Variants in METTL15 observed in about 807,000 individuals in gnomAD.
METTL15 encodes the protein 12S rRNA N(4)-cytidine methyltransferase METTL15.
A neutral mutation model predicts 38.3 loss-of-function variants in METTL15; 34 were observed. That is an observed-to-expected ratio of 0.89 (90% CI 0.68 to 1.18). METTL15 has a LOEUF of 1.18. Ranked by LOEUF, METTL15 falls within the 50% of genes most tolerant of loss-of-function variation. The pLI, the probability that METTL15 is intolerant of heterozygous loss-of-function variation, is 0.00. For missense variants in METTL15, 438 were observed against 498.4 expected (o/e 0.88, Z 1.15); for synonymous variants, 162 against 170.9 (o/e 0.95, Z 0.41).
chr11:28,152,583 A>G (rs1457167804), intron 3 of METTL15, among the ~76,000 whole-genome samples: 2 of 151,872 alleles, frequency 1.3e-5, no homozygotes, highest in Non-Finnish European at 2.9e-5. Context: ...AATAATTTTG[A>G]AAAAGTAAAA....
Position 28,113,423 on chromosome 11 carries a change from C to T in METTL15, c.89C>T (p.Pro30Leu). The change falls in exon 3 of 7, where the codon CCA becomes CTA. Residue 30 changes from proline (P) to leucine (L), a missense_variant. Physicochemically the swap from Pro to Leu is moderately conservative, Grantham distance 98. Transcript: ENST00000407364. ...ESGIPNLGVW[P>L]NRIHTTAEKY... ...GGCATACCTAATTTAGGTGTCTGGC[C>T]AAACAGAATACATACTACAGCAGAA... The T allele has an allele frequency of 3.1e-6, 5 of 1,597,088 alleles. No individual in the cohort carries two copies. The highest frequency in any genetic ancestry group is 4.3e-6 in the Non-Finnish European group (5 of 1,171,858).
intron 4 of METTL15, among the ~76,000 whole-genome samples, chr11:28,279,587 A>G (rs543687320): frequency 5.9e-5 from 9 of 152,152 alleles, no homozygotes; most frequent in African/African-American, 1.7e-4. Context: ...GGTGATCACA[A>G]CCTACATGAT....
chr11:28,308,927 G>T (rs1481640195), intron 6 of METTL15, among the ~76,000 whole-genome samples: 1 of 151,992 alleles, frequency 6.6e-6, no homozygotes, highest in Non-Finnish European at 1.5e-5. Context: ...TAGATAGATA[G>T]ATAGATAGGC....
chr11:28,140,117 C>T (rs1405508397), intron 3 of METTL15, among the ~76,000 whole-genome samples: 1 of 152,152 alleles, frequency 6.6e-6, no homozygotes, highest in Non-Finnish European at 1.5e-5. Context: ...CTGTTCCGAG[C>T]GTGTGCCTGT....
At chr11:28,183,618 G>GT (rs1851379618) in intron 3 of METTL15, among the ~76,000 whole-genome samples, 1 of 151,940 alleles carries the variant, frequency 6.6e-6, no homozygotes, top group Non-Finnish European at 1.5e-5. Context: ...CGACTTGATC[G>GT]TGGTGGATAA....
chr11:28,501,837 C>T (rs1255371246), intron 6 of METTL15, among the ~76,000 whole-genome samples: 1 of 152,160 alleles, frequency 6.6e-6, no homozygotes, highest in East Asian at 1.9e-4. Context: ...CGGTGGCTCA[C>T]ACCTGTAATC....
intron 5 of METTL15, among the ~76,000 whole-genome samples, chr11:28,411,904 A>G (rs978484006): frequency 6.6e-6 from 1 of 152,062 alleles, no homozygotes; most frequent in Admixed American, 6.6e-5. Flanking sequence ...GCAGGAAAAC[A>G]AACAACCTGA....
At chr11:28,338,982 A>C (rs1849926147) in intron 3 of METTL15, among the ~76,000 whole-genome samples, 1 of 152,158 alleles carries the variant, frequency 6.6e-6, no homozygotes, top group African/African-American at 2.4e-5. Context: ...TGTGAGTTTC[A>C]GAAAAGGCAG....
intron 3 of METTL15, among the ~76,000 whole-genome samples, chr11:28,160,385 A>G (rs1254093945): frequency 6.6e-6 from 1 of 152,036 alleles, no homozygotes; most frequent in African/African-American, 2.4e-5. Flanking sequence ...TCCTTCTCTT[A>G]AGGGTATTAT....
intron 6 of METTL15, among the ~76,000 whole-genome samples, chr11:28,438,665 C>CT (rs1332312845): frequency 6.9e-6 from 1 of 144,260 alleles, no homozygotes; most frequent in Non-Finnish European, 1.5e-5. Context: ...TTTCTTTTTT[C>CT]TTTTTTCTTT....
At chr11:28,293,090 T>C (rs902456545) in intron 5 of METTL15, among the ~76,000 whole-genome samples, 16 of 152,340 alleles carry the variant, frequency 1.1e-4, no homozygotes, top group African/African-American at 3.6e-4. Flanking sequence ...TTGGCTTTTG[T>C]TGCCATTGCT....
At position 28,315,349 on chromosome 11, in the gene METTL15, G is replaced by A. The variant is rs554997800; in HGVS notation, c.779-15047G>A. Among the ~76,000 whole-genome samples, 10 of 152,298 alleles carry A rather than the reference G, an allele frequency of 6.6e-5. No homozygotes were observed. The South Asian group carries it at 1.0e-3, about 16-fold the overall frequency. On this transcript the variant is annotated intron_variant, in intron 6 of 6. Transcript: ENST00000407364. ...ATGATTTAGCAAAGAGACTGGCAGC[G>A]TTTTGCCCCTGTCCTAGAGATTTGT... is the stretch of plus-strand genomic sequence containing the variant.
intron 3 of METTL15, among the ~76,000 whole-genome samples, chr11:28,181,302 GA>G (rs934883453): frequency 5.3e-5 from 7 of 130,958 alleles, no homozygotes; most frequent in Non-Finnish European, 1.1e-4. Context: ...TATACATGCA[GA>G]ACGTGCAGGT....
At chr11:28,108,681 G>A (rs189504251) in intron 1 of METTL15, among the ~76,000 whole-genome samples, 2 of 152,248 alleles carry the variant, frequency 1.3e-5, no homozygotes, top group East Asian at 3.9e-4. Context: ...GAGGCCTCAG[G>A]CTTCATTTCT....
intron 3 of METTL15, among the ~76,000 whole-genome samples, chr11:28,179,816 A>G (rs1261027709): frequency 1.3e-5 from 2 of 151,800 alleles, no homozygotes; most frequent in Non-Finnish European, 2.9e-5. Context: ...ACTTTAGGAA[A>G]TAGAGCCAAG....
chr11:28,306,795 G>A (rs1361358908), intron 6 of METTL15, among the ~76,000 whole-genome samples: 2 of 151,994 alleles, frequency 1.3e-5, no homozygotes, highest in Non-Finnish European at 2.9e-5. Flanking sequence ...TTTTGGGACT[G>A]AGAGGGTAAT....
At chr11:28,114,414 A>G (rs925704096) in intron 3 of METTL15, among the ~76,000 whole-genome samples, 2 of 152,126 alleles carry the variant, frequency 1.3e-5, no homozygotes, top group Non-Finnish European at 1.5e-5. Context: ...CTTTGTGGCT[A>G]TTGTGAATAA....
intron 3 of METTL15, among the ~76,000 whole-genome samples, chr11:28,346,214 G>A (rs1391343255): frequency 1.3e-5 from 2 of 152,088 alleles, no homozygotes; most frequent in East Asian, 3.9e-4. Flanking sequence ...TTTTTAAATG[G>A]CATCATTTGA....
In METTL15 at chr11:28,441,724, A is replaced by G. The variant is rs949391472; in HGVS notation, c.*424+17360A>G. On this transcript the variant is annotated intron_variant and NMD_transcript_variant, in intron 6 of 7. Coordinates refer to the METTL15 transcript ENST00000532947. ...CCACCAAATCCAAACTAATCTTGCTAAAACATCACTTATTTAAAAAAAAAG... is the reference window on the plus strand; with the variant it reads ...CCACCAAATCCAAACTAATCTTGCTGAAACATCACTTATTTAAAAAAAAAG... 1.2e-4 allele frequency among the ~76,000 whole-genome samples: 18 copies of G among 152,256 alleles called. No homozygotes were observed. In the South Asian group the frequency reaches 1.2e-3, roughly 11 times the overall value.
Sources: gnomAD v4.1 joint callset for allele counts (sites outside exome capture counted in the v4.1 genomes callset) on GRCh38, gnomAD v4.1.1 for gene constraint, MANE v1.5 for transcripts, NCBI Gene and HGNC (gene_info 2026-07-23, HGNC 2026-07-21) for gene names.